MYBBP1A: variants seen among roughly 807,000 people sequenced by gnomAD.
MYBBP1A encodes the protein myb-binding protein 1A.
Under a neutral mutation model 136.3 loss-of-function variants are expected in MYBBP1A, and 147 were observed. The ratio of observed to expected loss-of-function variants is 1.08; its 90% CI spans 0.94 to 1.24. MYBBP1A has a LOEUF of 1.24. MYBBP1A is among the 50% of genes most tolerant of loss of function. The probability of loss-of-function intolerance (pLI) is 0.00; values close to 1 mark genes in which losing one functional copy is unlikely to be tolerated. For missense variants in MYBBP1A, 2,060 were observed against 1,727.4 expected (o/e 1.19, Z -3.41); for synonymous variants, 947 against 735.8 (o/e 1.29, Z -4.65).
Position 4,550,395 on chromosome 17 carries a change from G to C in MYBBP1A, c.1024-42C>G, listed in dbSNP as rs570563853. ...TGGCGCTGAGCCCACCAGCCCAGGG[G>C]GGCAGGCGGTTAACAACCCAACAGC... On this transcript the variant is annotated intron_variant, in intron 8 of 25. Coordinates refer to ENST00000254718, the MANE Select transcript of MYBBP1A (RefSeq NM_014520.4). The C allele has an allele frequency of 1.9e-4, 301 of 1,567,704 alleles. 4 individuals are homozygous for C. In the South Asian group the frequency reaches 3.2e-3, roughly 16 times the overall value.
rs1005801167 is a variant in MYBBP1A, at chr17:4,545,446, G to A, written c.2074-101C>T. 4.0e-5 allele frequency: 62 copies of A among 1,537,544 alleles called. 1 individual carries two copies. The Admixed American group carries it at 6.1e-4, about 15-fold the overall frequency. ...AGACCTCCATTTCCCAGAAGAAAAC[G>A]GAGCCTAGGAGAGGCGGCCAGGCCA... is the stretch of plus-strand genomic sequence containing the variant. On this transcript the variant is annotated intron_variant, in intron 15 of 25. Coordinates refer to ENST00000254718, the MANE Select transcript of MYBBP1A (RefSeq NM_014520.4).
chr17:4,547,400 C>T (rs991203553), intron 13 of MYBBP1A, among the ~76,000 whole-genome samples: 1 of 152,188 alleles, frequency 6.6e-6, no homozygotes, highest in Non-Finnish European at 1.5e-5. Flanking sequence ...AACAGCTCAT[C>T]CACATGCTGG....
intron 2 of MYBBP1A, 79 bp from the exon 3 acceptor site, chr17:4,554,357 TC>T (rs1907835032): frequency 7.9e-7 from 1 of 1,272,636 alleles, no homozygotes; most frequent in Non-Finnish European, 1.1e-6. Flanking sequence ...TAACCTCCCT[TC>T]CCCCTTCAAC....
intron 19 of MYBBP1A, among the ~76,000 whole-genome samples, chr17:4,543,504 G>C (rs1345953791): frequency 6.6e-6 from 1 of 152,184 alleles, no homozygotes; most frequent in Non-Finnish European, 1.5e-5. Context: ...AGCGAGACAA[G>C]GGTTCATGTG....
intron 25 of MYBBP1A, among the ~76,000 whole-genome samples, 178 bp from the exon 26 acceptor site, chr17:4,540,145 GGGTCCTGC>G (rs1260917736): frequency 6.7e-6 from 1 of 149,788 alleles, no homozygotes; most frequent in African/African-American, 2.5e-5. Context: ...GGTCCTGCGA[GGGTCCTGC>G]GAGGCTCCTG....
chr17:4,551,704 C>T (rs1355983732), intron 8 of MYBBP1A, among the ~76,000 whole-genome samples, 176 bp downstream of exon 8: 1 of 151,808 alleles, frequency 6.6e-6, no homozygotes, highest in East Asian at 1.9e-4. Context: ...AGCAAAACTT[C>T]ATCTCAAAAA....
chr17:4,553,252 G>C (rs1206707341), intron 5 of MYBBP1A, among the ~76,000 whole-genome samples: 1 of 152,246 alleles, frequency 6.6e-6, no homozygotes, highest in East Asian at 1.9e-4. Context: ...AGACTGCACA[G>C]TAAGCCCTGG....
At position 4,548,341 on chromosome 17, in the gene MYBBP1A, G is replaced by C; in HGVS notation, c.1557-31C>G. 1 of 1,608,724 alleles carries C rather than the reference G, an allele frequency of 6.2e-7. No homozygotes were observed. Among genetic ancestry groups the C allele is most frequent in the South Asian group, 1.1e-5 (1 of 90,988 alleles). ...CAAGGGATGGGGCTTGGGGTCAGCA[G>C]ACCAGATGAGTCAATGTAGCCGCCT... is the stretch of plus-strand genomic sequence containing the variant. On this transcript the variant is annotated intron_variant, in intron 11 of 25. Coordinates refer to ENST00000254718, the MANE Select transcript of MYBBP1A (RefSeq NM_014520.4). This position sits in a 1 kb window ranked among gnomAD's most constrained non-coding sequence, Gnocchi z 4.2.
intron 2 of MYBBP1A, 128 bp from the exon 3 acceptor site, chr17:4,554,406 T>C: frequency 1.4e-6 from 1 of 717,388 alleles, no homozygotes; most frequent in Non-Finnish European, 2.4e-6. Context: ...TCCCACCTTC[T>C]ATGTACCTTC....
rs199775836 is a variant in MYBBP1A, at chr17:4,554,019, C to T, written c.453G>A (p.Lys151=). The T allele has an allele frequency of 4.9e-5, 79 of 1,613,968 alleles. No homozygotes were observed. Among genetic ancestry groups the T allele is most frequent in the Non-Finnish European group, 5.9e-6 (7 of 1,180,036 alleles). ...CCCCCAGTCCCTCCAAAGCTCTTACCTTCACCAGCCGACCTGACTGAAAGA... is the reference window on the plus strand; with the variant it reads ...CCCCCAGTCCCTCCAAAGCTCTTACTTTCACCAGCCGACCTGACTGAAAGA... The part of the protein sequence containing the change: ...LALFQSGRLV[K]DQEALMKSVK... Residue 151 remains lysine (K), a splice_region_variant and synonymous_variant, in exon 4 of 26, where the codon AAG becomes AAA. Transcript: ENST00000254718.
At chr17:4,546,103 C>A (rs1215237230) in intron 13 of MYBBP1A, among the ~76,000 whole-genome samples, 161 bp from the exon 14 acceptor site, 1 of 152,212 alleles carries the variant, frequency 6.6e-6, no homozygotes. Context: ...GAACAGAAGA[C>A]CCCAGCTGGA....
rs903350351 is a variant in MYBBP1A at position 4,540,648 on chromosome 17, C to T, written c.3298-164G>A. On this transcript the variant is annotated intron_variant, in intron 24 of 25. Coordinates refer to ENST00000254718, the MANE Select transcript of MYBBP1A (RefSeq NM_014520.4). ...CTGTTAAGTCATCCGTGTCTCTTAC[C>T]GAGGGAGGAAACACGCGCCCCAGGT... Among the ~76,000 whole-genome samples, 11 of 151,852 alleles carry T rather than the reference C, an allele frequency of 7.2e-5. No individual in the cohort carries two copies. In the East Asian group the frequency reaches 1.2e-3, roughly 16 times the overall value.
chr17:4,546,417 G>A (rs970822963), intron 13 of MYBBP1A, among the ~76,000 whole-genome samples: 2 of 152,002 alleles, frequency 1.3e-5, no homozygotes, highest in Non-Finnish European at 2.9e-5. Flanking sequence ...GAGCCCCCGC[G>A]CCCAGCTAGC....
At chr17:4,543,633 G>A (rs1407730265) in intron 19 of MYBBP1A, among the ~76,000 whole-genome samples, 4 of 152,134 alleles carry the variant, frequency 2.6e-5, no homozygotes, top group Admixed American at 2.6e-4. Context: ...CGTGGCCCGG[G>A]CGGGCCTGGG....
chr17:4,553,941 G>A (rs765075200), intron 4 of MYBBP1A, 24 bp from the exon 5 acceptor site: 4 of 1,613,780 alleles, frequency 2.5e-6, no homozygotes, highest in South Asian at 2.2e-5. Context: ...AGGGACAGAG[G>A]GTATGAGCAG....
At chr17:4,542,393 T>C (rs1039929723) in intron 22 of MYBBP1A, 71 bp downstream of exon 22, 10 of 1,497,612 alleles carry the variant, frequency 6.7e-6, no homozygotes, top group Non-Finnish European at 9.1e-6. Flanking sequence ...GGCCTCACAA[T>C]ATCCAGTCAG....
At chr17:4,540,173 T>G (rs1480184550) in intron 25 of MYBBP1A, among the ~76,000 whole-genome samples, 175 bp downstream of exon 25, 3 of 129,988 alleles carry the variant, frequency 2.3e-5, no homozygotes, top group Non-Finnish European at 1.6e-5. Context: ...GCGAGGGTCC[T>G]GTGAGGGTCC....
Position 4,550,335 on chromosome 17 carries a change from A to T in MYBBP1A, c.1042T>A (p.Phe348Ile). 6.2e-7 allele frequency: 1 copy of T among 1,612,508 alleles called. No homozygotes were observed. Among genetic ancestry groups the T allele is most frequent in the Non-Finnish European group, 8.5e-7 (1 of 1,179,674 alleles). Residue 348 changes from phenylalanine to isoleucine, a missense_variant, in exon 9 of 26, where the codon TTT becomes ATT. Transcript: ENST00000254718. The part of the protein sequence containing the change: ...CTAKLPKQFK[F>I]APEMDDYVGT... Reference sequence around the variant, plus strand: ...ACGTAATCGTCCATCTCTGGGGCAAACTTGAACTGCTTTGGGAGCTGCAAG... The same window carrying T: ...ACGTAATCGTCCATCTCTGGGGCAATCTTGAACTGCTTTGGGAGCTGCAAG...
chr17:4,542,027 T>G, intron 22 of MYBBP1A, 136 bp from the exon 23 acceptor site: 1 of 653,562 alleles, frequency 1.5e-6, no homozygotes, highest in Non-Finnish European at 2.6e-6. Flanking sequence ...CTGGGCTCTG[T>G]GACTACCTGC....
Sources: allele counts gnomAD v4.1 joint callset (sites outside exome capture counted in the v4.1 genomes callset), GRCh38; gene constraint gnomAD v4.1.1; non-coding constraint Gnocchi (gnomAD v3.1); transcripts MANE v1.5; gene names NCBI Gene and HGNC (gene_info 2026-07-23, HGNC 2026-07-21).